Variants in RIMS1 observed in about 807,000 individuals in gnomAD.
RIMS1 encodes the protein regulating synaptic membrane exocytosis protein 1.
A neutral mutation model predicts 214.1 loss-of-function variants in RIMS1; 83 were observed. That is an observed-to-expected ratio of 0.39 (90% CI 0.32 to 0.47). The LOEUF is 0.47. Ranked by LOEUF, RIMS1 falls within the 20% of genes least tolerant of loss-of-function variation. The pLI is 0.99. For synonymous variants in RIMS1, 793 were observed against 786.8 expected (o/e 1.01, Z -0.13); for missense variants, 2,050 against 2,161.8 (o/e 0.95, Z 1.03).
At chr6:71,920,832 A>G (rs1185194563) in intron 1 of RIMS1, among the ~76,000 whole-genome samples, 1 of 152,244 alleles carries the variant, frequency 6.6e-6, no homozygotes, top group African/African-American at 2.4e-5. Context: ...ATTCCTTGCT[A>G]AGAACAAGAA....
chr6:72,228,874 C>T (rs72653128), intron 6 of RIMS1, among the ~76,000 whole-genome samples: 16,167 of 151,896 alleles, frequency 0.11, 1,092 homozygotes, highest in East Asian at 0.28. Context: ...GGTGCTTTCT[C>T]ATTGTGGTTT....
intron 1 of RIMS1, among the ~76,000 whole-genome samples, chr6:71,920,329 T>C (rs903396449): frequency 1.3e-5 from 2 of 152,218 alleles, no homozygotes; most frequent in Non-Finnish European, 2.9e-5. Flanking sequence ...TTAATAGTCA[T>C]ATAGCATGGT....
chr6:72,368,359 T>C (rs2746213), intron 29 of RIMS1, among the ~76,000 whole-genome samples: 2,010 of 141,514 alleles, frequency 0.014, 38 homozygotes, highest in African/African-American at 0.049. Context: ...TGGAGTGCAG[T>C]GGCGCAATCT....
intron 29 of RIMS1, among the ~76,000 whole-genome samples, chr6:72,367,306 G>GC (rs2098068268): frequency 6.6e-6 from 1 of 152,044 alleles, no homozygotes; most frequent in Non-Finnish European, 1.5e-5. Context: ...ATACAATATA[G>GC]CCCTTCTAGG....
At chr6:72,083,719 G>A (rs930462057) in intron 2 of RIMS1, among the ~76,000 whole-genome samples, 1 of 152,014 alleles carries the variant, frequency 6.6e-6, no homozygotes, top group Non-Finnish European at 1.5e-5. Flanking sequence ...GGCTACACAC[G>A]GTGCTAAGCA....
At chr6:71,984,385 CT>C (rs1197551343) in intron 2 of RIMS1, among the ~76,000 whole-genome samples, 2 of 151,802 alleles carry the variant, frequency 1.3e-5, no homozygotes, top group African/African-American at 4.8e-5. Flanking sequence ...TGGAGCTACA[CT>C]GTGACAAATA....
intron 6 of RIMS1, among the ~76,000 whole-genome samples, chr6:72,205,610 T>C (rs939040790): frequency 3.9e-5 from 6 of 152,188 alleles, no homozygotes; most frequent in Non-Finnish European, 7.4e-5. Context: ...AACTTTTCTG[T>C]AACCCAAATA....
At chr6:72,214,057 G>A (rs2054615499) in intron 6 of RIMS1, among the ~76,000 whole-genome samples, 1 of 152,082 alleles carries the variant, frequency 6.6e-6, no homozygotes, top group South Asian at 2.1e-4. Context: ...CCTAGACAGT[G>A]GCTCCAGTGA....
chr6:72,245,071 A>G (rs2068799816), intron 10 of RIMS1, among the ~76,000 whole-genome samples: 1 of 151,864 alleles, frequency 6.6e-6, no homozygotes, highest in Non-Finnish European at 1.5e-5. Flanking sequence ...TAGGGTTCTT[A>G]AGGTCATAGT....
At chr6:72,361,086 G>GTCTT (rs1374923429) in intron 29 of RIMS1, among the ~76,000 whole-genome samples, 1 of 135,206 alleles carries the variant, frequency 7.4e-6, no homozygotes, top group African/African-American at 2.8e-5. Flanking sequence ...GTAGGAACGG[G>GTCTT]TCTTTCTTTC....
At chr6:72,356,992 G>A (rs774607425) in intron 29 of RIMS1, among the ~76,000 whole-genome samples, 1 of 152,116 alleles carries the variant, frequency 6.6e-6, no homozygotes, top group Non-Finnish European at 1.5e-5. Flanking sequence ...ATCTGTGGGT[G>A]AACAGCAAAG....
chr6:72,390,534 A>AAG, intron 29 of RIMS1, 64 bp from the exon 30 acceptor site: 1 of 1,452,780 alleles, frequency 6.9e-7, no homozygotes, highest in South Asian at 1.3e-5. Flanking sequence ...TTGCAGGATC[A>AAG]ATTGATATTC....
At chr6:72,024,900 GTTT>G (rs777214787) in intron 2 of RIMS1, among the ~76,000 whole-genome samples, 2 of 98,666 alleles carry the variant, frequency 2.0e-5, no homozygotes, top group East Asian at 2.9e-4. Flanking sequence ...AAATCTGTGG[GTTT>G]TTTTTTTTTT....
chr6:72,171,919 T>C (rs1048130060), intron 4 of RIMS1, among the ~76,000 whole-genome samples: 1 of 152,080 alleles, frequency 6.6e-6, no homozygotes, highest in South Asian at 2.1e-4. Flanking sequence ...AAAGTGAATA[T>C]TTATAAAAGC....
At chr6:72,133,143 C>T (rs1305492069) in intron 4 of RIMS1, among the ~76,000 whole-genome samples, 1 of 151,764 alleles carries the variant, frequency 6.6e-6, no homozygotes, top group Non-Finnish European at 1.5e-5. Flanking sequence ...ATAATTTGAT[C>T]ATGTCAAATC....
intron 4 of RIMS1, among the ~76,000 whole-genome samples, chr6:72,156,370 C>T (rs2153915122): frequency 1.4e-5 from 2 of 140,568 alleles, no homozygotes; most frequent in South Asian, 4.7e-4. Flanking sequence ...AGAAAAATAC[C>T]ACTTATTTAG....
At chr6:71,977,140 A>G (rs1026549074) in intron 2 of RIMS1, among the ~76,000 whole-genome samples, 9 of 152,134 alleles carry the variant, frequency 5.9e-5, no homozygotes, top group Admixed American at 3.9e-4. Flanking sequence ...CATCCCCATC[A>G]TGAATATAAT....
chr6:72,395,824 A>G lies in RIMS1; in HGVS notation c.4619-2425A>G, dbSNP rs372965665. 3.0e-3 allele frequency among the ~76,000 whole-genome samples: 459 copies of G among 152,142 alleles called. 1 individual carries two copies. Among genetic ancestry groups the G allele is most frequent in the African/African-American group, 9.5e-3 (393 of 41,564 alleles). On this transcript the variant is annotated intron_variant, in intron 31 of 33. Transcript: ENST00000521978. The stretch of plus-strand genomic sequence containing the variant: ...CCAATTACACTGATTTGATCATAAC[A>G]AAGTATATGAATGTATTAAATTATC...
chr6:72,009,803 A>G lies in RIMS1; in HGVS notation c.245+40740A>G, dbSNP rs554511546. ...AGAAGTTGAATCTCTGAATAGACCA[A>G]TAACAGGCTCTGAAATTGAGGCAAT... On this transcript the variant is annotated intron_variant, in intron 2 of 33. Coordinates refer to ENST00000521978, the MANE Select transcript of RIMS1 (RefSeq NM_014989.7). 1.5e-3 allele frequency among the ~76,000 whole-genome samples: 227 copies of G among 152,342 alleles called. 2 individuals carry two copies. Among genetic ancestry groups the G allele is most frequent in the African/African-American group, 5.3e-3 (222 of 41,584 alleles).
Sources: gnomAD v4.1 joint callset for allele counts (sites outside exome capture counted in the v4.1 genomes callset) on GRCh38, gnomAD v4.1.1 for gene constraint, MANE v1.5 for transcripts, NCBI Gene and HGNC (gene_info 2026-07-23, HGNC 2026-07-21) for gene names.